Variants in RSBN1 observed in about 807,000 individuals in gnomAD.
The protein encoded by RSBN1 is round spermatid basic protein 1.
Under a neutral mutation model 74.8 loss-of-function variants are expected in RSBN1, and 23 were observed. The ratio of observed to expected loss-of-function variants is 0.31; its 90% CI spans 0.22 to 0.44. The LOEUF is 0.44. Among genes scored for constraint, RSBN1 ranks in the 20% least tolerant of loss-of-function variants. The pLI, the probability that RSBN1 is intolerant of heterozygous loss-of-function variation, is 1.00. For synonymous variants in RSBN1, 407 were observed against 379.6 expected, an observed-to-expected ratio of 1.07 and a Z score of -0.84; for missense variants, 808 against 1,020.9, an observed-to-expected ratio of 0.79 and a Z score of 2.84.
chr1:113,780,951 G>A (rs532372813), intron 2 of RSBN1, among the ~76,000 whole-genome samples: 6 of 152,132 alleles, frequency 3.9e-5, no homozygotes, highest in Middle Eastern at 3.4e-3. Flanking sequence ...TGTGACCTAC[G>A]TTTTTTTCTC....
chr1:113,811,998 C>G lies in RSBN1; in HGVS notation c.415G>C (p.Glu139Gln), dbSNP rs1212398147. ...GGCGGAGGCGGCAGGAGAAGAGGCTCAACAGGGCCTGGGACAGTTGGGGCT... is the reference window on the plus strand; with the variant it reads ...GGCGGAGGCGGCAGGAGAAGAGGCTGAACAGGGCCTGGGACAGTTGGGGCT... ...NAAPTVPGPV[E>Q]PLLLPPPPPP... is the part of the protein sequence containing the mutation. The change falls in exon 1 of 7, where the codon GAG becomes CAG. Residue 139 changes from glutamate (E) to glutamine (Q), a missense_variant. By Grantham distance (29) the Glu-to-Gln change is conservative. This residue lies in a region of RSBN1 where 464 missense variants were observed against 401.0 expected (regional missense o/e 1.16). Coordinates refer to ENST00000261441, the MANE Select transcript of RSBN1 (RefSeq NM_018364.5). The G allele has an allele frequency of 1.3e-6, 2 of 1,555,036 alleles. No individual in the cohort carries two copies. Among genetic ancestry groups the G allele is most frequent in the South Asian group, 1.2e-5 (1 of 84,796 alleles).
At chr1:113,769,544 ATT>A (rs781772790) in intron 4 of RSBN1, among the ~76,000 whole-genome samples, 1 of 152,224 alleles carries the variant, frequency 6.6e-6, no homozygotes, top group Non-Finnish European at 1.5e-5. Flanking sequence ...AGTTTATTAT[ATT>A]GTTTTCTGCT....
chr1:113,785,215 T>C (rs1478974633), intron 2 of RSBN1, among the ~76,000 whole-genome samples: 1 of 152,176 alleles, frequency 6.6e-6, no homozygotes, highest in Non-Finnish European at 1.5e-5. Flanking sequence ...GTTGGAATGA[T>C]TAATATCACT....
At chr1:113,801,041 G>A (rs979194698) in intron 1 of RSBN1, among the ~76,000 whole-genome samples, 1 of 151,026 alleles carries the variant, frequency 6.6e-6, no homozygotes, top group Non-Finnish European at 1.5e-5. Flanking sequence ...GTGCAGTGGC[G>A]TGATCTCTGC....
At chr1:113,807,957 G>T (rs887087969) in intron 1 of RSBN1, among the ~76,000 whole-genome samples, 1 of 151,958 alleles carries the variant, frequency 6.6e-6, no homozygotes, top group African/African-American at 2.4e-5. Context: ...TTAAGATCAT[G>T]ATGATGTATC....
intron 4 of RSBN1, among the ~76,000 whole-genome samples, chr1:113,774,108 C>T (rs1220689553): frequency 1.3e-5 from 2 of 152,194 alleles, no homozygotes; most frequent in Non-Finnish European, 2.9e-5. Context: ...TACTTTACAT[C>T]TGACTTGAGG....
chr1:113,802,409 AT>A (rs572335708), intron 1 of RSBN1, among the ~76,000 whole-genome samples: 54 of 151,832 alleles, frequency 3.6e-4, no homozygotes, highest in Middle Eastern at 3.4e-3. Context: ...ATTATTCATG[AT>A]TTTTTAAAGG....
At chr1:113,786,773 C>T (rs1660252375) in intron 2 of RSBN1, among the ~76,000 whole-genome samples, 2 of 152,240 alleles carry the variant, frequency 1.3e-5, no homozygotes, top group South Asian at 4.1e-4. Flanking sequence ...GAGTTCAAGA[C>T]CAGCCTGGGC....
At chr1:113,794,896 T>C (rs1022012263) in intron 2 of RSBN1, among the ~76,000 whole-genome samples, 8 of 152,220 alleles carry the variant, frequency 5.3e-5, no homozygotes, top group Admixed American at 1.3e-4. Flanking sequence ...TCTTGAAATA[T>C]AGTCACGAAT....
chr1:113,811,982 G>T lies in RSBN1; in HGVS notation c.431C>A (p.Pro144Gln). The T allele has an allele frequency of 6.4e-7, 1 of 1,564,568 alleles. No individual in the cohort carries two copies. The highest frequency in any genetic ancestry group is 8.7e-7 in the Non-Finnish European group (1 of 1,154,790). Reference protein sequence around the residue: ...VPGPVEPLLLPPPPPPSLAPA... With the variant: ...VPGPVEPLLLQPPPPPSLAPA... Reference sequence around the variant, plus strand: ...TGCCAGCGAAGGTGGCGGCGGAGGCGGCAGGAGAAGAGGCTCAACAGGGCC... The same window carrying T: ...TGCCAGCGAAGGTGGCGGCGGAGGCTGCAGGAGAAGAGGCTCAACAGGGCC... The change falls in exon 1 of 7, where the codon CCG (proline) becomes CAG (glutamine). Residue 144 changes from proline (P) to glutamine (Q), a missense_variant. Pro to Gln is a moderately conservative substitution (Grantham distance 76). This residue lies in a region of RSBN1 where 464 missense variants were observed against 401.0 expected (regional missense o/e 1.16). Coordinates refer to ENST00000261441, the MANE Select transcript of RSBN1 (RefSeq NM_018364.5).
chr1:113,807,524 C>T (rs1212828516), intron 1 of RSBN1, among the ~76,000 whole-genome samples: 8 of 151,914 alleles, frequency 5.3e-5, no homozygotes, highest in Non-Finnish European at 7.4e-5. Context: ...CTTTGGGAGG[C>T]TGAGGCGGGT....
intron 2 of RSBN1, among the ~76,000 whole-genome samples, chr1:113,788,257 T>A (rs1660298641): frequency 6.6e-6 from 1 of 152,028 alleles, no homozygotes; most frequent in African/African-American, 2.4e-5. Flanking sequence ...ATACAATTAA[T>A]AAAAGTTTCA....
intron 2 of RSBN1, among the ~76,000 whole-genome samples, chr1:113,787,818 C>T (rs1422593475): frequency 6.6e-6 from 1 of 152,152 alleles, no homozygotes; most frequent in Non-Finnish European, 1.5e-5. Flanking sequence ...GAGCTTTTCT[C>T]ACAATATGAC....
rs1193911164 is a variant in RSBN1 at position 113,765,817 on chromosome 1, A to C, written c.*163T>G. 8.1e-6 allele frequency: 5 copies of C among 619,836 alleles called. No homozygotes were observed. In the East Asian group the frequency reaches 1.4e-4, roughly 17 times the overall value. 38.4% of individuals were successfully genotyped at this position (619,836 alleles called of 1,614,324 possible). A position where few individuals can be genotyped will look rare whatever the true frequency, so the allele number is the denominator to read the frequency against. On this transcript the variant is annotated 3_prime_UTR_variant, in exon 7 of 7. Transcript: ENST00000261441. Reference sequence around the variant, plus strand: ...TAAGATACAACTCTTAACTTTGCATAATCTGTGTAAAAAAGATATGCTTGA... The same window carrying C: ...TAAGATACAACTCTTAACTTTGCATCATCTGTGTAAAAAAGATATGCTTGA...
At position 113,812,408 on chromosome 1, in the gene RSBN1, A is replaced by G; in HGVS notation, c.5T>C (p.Phe2Ser). The G allele has an allele frequency of 5.6e-6, 9 of 1,595,280 alleles. No individual in the cohort carries two copies. Among genetic ancestry groups the G allele is most frequent in the Non-Finnish European group, 6.8e-6 (8 of 1,176,760 alleles). Residue 2 changes from phenylalanine (F) to serine (S), a missense_variant, in exon 1 of 7, where the codon TTC (phenylalanine) becomes TCC (serine). By Grantham distance (155) the Phe-to-Ser change is radical. This residue lies in a region of RSBN1 where 464 missense variants were observed against 401.0 expected (regional missense o/e 1.16). Transcript: ENST00000261441. M[F>S]ISGRRTADKW... The stretch of plus-strand genomic sequence containing the variant: ...GTCGGCCGTTCTTCGTCCAGAGATG[A>G]ACATGCCGGAAGCGGCCGTTCCCAG...
intron 2 of RSBN1, among the ~76,000 whole-genome samples, chr1:113,781,226 C>T (rs1660134008): frequency 6.6e-6 from 1 of 152,186 alleles, no homozygotes; most frequent in Non-Finnish European, 1.5e-5. Flanking sequence ...GATATATATA[C>T]CTTTTTCACA....
At chr1:113,804,214 G>A (rs536827983) in intron 1 of RSBN1, among the ~76,000 whole-genome samples, 2 of 152,256 alleles carry the variant, frequency 1.3e-5, no homozygotes, top group Non-Finnish European at 2.9e-5. Context: ...ATCACAATAT[G>A]TGACACACAA....
At chr1:113,773,221 A>G (rs1408505574) in intron 4 of RSBN1, among the ~76,000 whole-genome samples, 7 of 152,250 alleles carry the variant, frequency 4.6e-5, no homozygotes, top group Non-Finnish European at 8.8e-5. Context: ...AAAAAACAGC[A>G]AATTAAAATG....
At chr1:113,793,501 T>C (rs919811489) in intron 2 of RSBN1, among the ~76,000 whole-genome samples, 14 of 152,272 alleles carry the variant, frequency 9.2e-5, no homozygotes, top group Non-Finnish European at 2.9e-5. Context: ...ATGTTCATCA[T>C]ACTTACTTGT....
Sources: allele counts gnomAD v4.1 joint callset (sites outside exome capture counted in the v4.1 genomes callset), GRCh38; gene constraint gnomAD v4.1.1; regional missense constraint gnomAD v4.1.1; transcripts MANE v1.5; gene names NCBI Gene and HGNC (gene_info 2026-07-23, HGNC 2026-07-21).